ROBO1: variants seen among roughly 807,000 people sequenced by gnomAD.
ROBO1 encodes the protein roundabout homolog 1.
A neutral mutation model predicts 195.9 loss-of-function variants in ROBO1; 149 were observed. The ratio of observed to expected loss-of-function variants is 0.76; its 90% CI spans 0.67 to 0.87. The LOEUF is 0.87. Among genes scored for constraint, ROBO1 ranks in the 40% least tolerant of loss-of-function variants. The pLI is 0.00. For synonymous variants in ROBO1, 816 were observed against 733.2 expected, an observed-to-expected ratio of 1.11 and a Z score of -1.82; for missense variants, 1,933 against 2,068.3, an observed-to-expected ratio of 0.93 and a Z score of 1.27.
At chr3:78,620,187 A>G (rs528266786) in intron 26 of ROBO1, among the ~76,000 whole-genome samples, 2 of 152,226 alleles carry the variant, frequency 1.3e-5, no homozygotes, top group East Asian at 3.9e-4. Context: ...TAACTTTGAT[A>G]TGGCACAGTT....
At chr3:78,878,428 T>C (rs1402205218) in intron 4 of ROBO1, among the ~76,000 whole-genome samples, 1 of 151,552 alleles carries the variant, frequency 6.6e-6, no homozygotes, top group Non-Finnish European at 1.5e-5. Flanking sequence ...CTACTAGAAA[T>C]ACAAAAATTA....
At chr3:78,651,708 T>C (rs945642154) in intron 19 of ROBO1, 24 bp downstream of exon 19, 2 of 1,517,538 alleles carry the variant, frequency 1.3e-6, no homozygotes, top group Non-Finnish European at 1.8e-6. Flanking sequence ...CATTAAAATA[T>C]GAAAACCTTG....
In ROBO1 at chr3:79,556,877, A is replaced by G. The variant is rs1223326620; in HGVS notation, c.88+32947T>C. ...AACATTCAGCAACATTCTCTTCTACACTTACTCTCACATGCAATTTTTATT... is the reference window on the plus strand; with the variant it reads ...AACATTCAGCAACATTCTCTTCTACGCTTACTCTCACATGCAATTTTTATT... On this transcript the variant is annotated intron_variant, in intron 2 of 30. Transcript: ENST00000464233. Among the ~76,000 whole-genome samples the G allele has an allele frequency of 2.0e-5, 3 of 151,336 alleles. 1 individual carries two copies. The highest frequency in any genetic ancestry group is 7.3e-5 in the African/African-American group (3 of 41,308).
intron 2 of ROBO1, among the ~76,000 whole-genome samples, chr3:79,579,657 G>A (rs1442630427): frequency 6.6e-6 from 1 of 151,990 alleles, no homozygotes; most frequent in Non-Finnish European, 1.5e-5. Context: ...TCATTGTCTT[G>A]TATTCAGTTT....
intron 14 of ROBO1, among the ~76,000 whole-genome samples, chr3:78,663,466 C>T (rs909556143): frequency 6.6e-6 from 1 of 152,128 alleles, no homozygotes; most frequent in African/African-American, 2.4e-5. Flanking sequence ...ACCTTTCCAT[C>T]TCTTCCTTAC....
chr3:79,175,790 T>G (rs1423148290), intron 2 of ROBO1, among the ~76,000 whole-genome samples: 1 of 152,242 alleles, frequency 6.6e-6, no homozygotes, highest in Non-Finnish European at 1.5e-5. Context: ...ACTAACTTTA[T>G]AAACATTATT....
chr3:79,359,288 A>G (rs1271753071), intron 2 of ROBO1, among the ~76,000 whole-genome samples: 4 of 151,934 alleles, frequency 2.6e-5, no homozygotes, highest in African/African-American at 4.8e-5. Context: ...CCTCACTCTT[A>G]TAATTTATAA....
intron 4 of ROBO1, among the ~76,000 whole-genome samples, chr3:78,864,970 A>G (rs1158242317): frequency 6.6e-6 from 1 of 152,130 alleles, no homozygotes; most frequent in Non-Finnish European, 1.5e-5. Context: ...TTTGATCGCT[A>G]CTTTTTTGTA....
At chr3:79,705,514 C>G (rs1013065057) in intron 1 of ROBO1, among the ~76,000 whole-genome samples, 3 of 151,994 alleles carry the variant, frequency 2.0e-5, no homozygotes, top group Non-Finnish European at 2.9e-5. Flanking sequence ...TATTTCTGGG[C>G]TCTCTCTTCT....
At chr3:79,418,659 A>C (rs956717582) in intron 2 of ROBO1, among the ~76,000 whole-genome samples, 3 of 152,150 alleles carry the variant, frequency 2.0e-5, no homozygotes, top group Non-Finnish European at 4.4e-5. Context: ...GCAGGCACAA[A>C]ATCCTTTTAG....
intron 2 of ROBO1, among the ~76,000 whole-genome samples, chr3:79,281,558 G>C (rs559577539): frequency 1.3e-5 from 2 of 152,200 alleles, no homozygotes; most frequent in East Asian, 3.9e-4. Flanking sequence ...GTAATATTCT[G>C]TGCTCAATAC....
chr3:78,675,882 C>G lies in ROBO1; in HGVS notation c.1343-5581G>C, dbSNP rs1428458442. On this transcript the variant is annotated intron_variant, in intron 10 of 30. Coordinates refer to ENST00000464233, the MANE Select transcript of ROBO1 (RefSeq NM_002941.4). ...GGGCAGACTGCCTCCTCAAGTGGGT[C>G]CCTGACCCCTGACCCCCGAGCAGCC... 5.9e-5 allele frequency among the ~76,000 whole-genome samples: 9 copies of G among 152,078 alleles called. No individual in the cohort carries two copies. The East Asian group carries it at 1.7e-3, about 30-fold the overall frequency.
At chr3:78,889,855 A>G (rs2036787245) in intron 4 of ROBO1, among the ~76,000 whole-genome samples, 1 of 152,120 alleles carries the variant, frequency 6.6e-6, no homozygotes, top group African/African-American at 2.4e-5. Flanking sequence ...ATAAAAATAC[A>G]ACTTTCCAAA....
intron 2 of ROBO1, among the ~76,000 whole-genome samples, chr3:79,270,180 T>C (rs1036012787): frequency 9.3e-5 from 1 of 10,788 alleles, no homozygotes; most frequent in African/African-American, 2.8e-4. Flanking sequence ...TACATAATGT[T>C]CTCTCTCTCT....
At chr3:79,347,692 C>G (rs1369562207) in intron 2 of ROBO1, among the ~76,000 whole-genome samples, 1 of 152,128 alleles carries the variant, frequency 6.6e-6, no homozygotes, top group Non-Finnish European at 1.5e-5. Context: ...TCAAAGAATA[C>G]TTGGCAAGTA....
At chr3:78,893,393 G>C (rs1006286158) in intron 4 of ROBO1, among the ~76,000 whole-genome samples, 1 of 152,084 alleles carries the variant, frequency 6.6e-6, no homozygotes, top group Non-Finnish European at 1.5e-5. Context: ...ATAAGGTGCC[G>C]TCTTGGAAAC....
chr3:78,774,552 C>T (rs774943097), intron 4 of ROBO1, among the ~76,000 whole-genome samples: 2 of 151,782 alleles, frequency 1.3e-5, no homozygotes, highest in Non-Finnish European at 2.9e-5. Context: ...CCTTGTGATC[C>T]GACAGCCTTG....
chr3:79,502,176 C>T (rs1940110396), intron 2 of ROBO1, among the ~76,000 whole-genome samples: 1 of 152,224 alleles, frequency 6.6e-6, no homozygotes. Context: ...AACCCTTCAG[C>T]CCGCCGCTGC....
At chr3:79,521,931 A>C (rs1434892649) in intron 2 of ROBO1, among the ~76,000 whole-genome samples, 1 of 152,168 alleles carries the variant, frequency 6.6e-6, no homozygotes, top group Non-Finnish European at 1.5e-5. Flanking sequence ...CCAACATTAC[A>C]TGGTTGGTTT....
Sources: allele counts gnomAD v4.1 joint callset (sites outside exome capture counted in the v4.1 genomes callset), GRCh38; gene constraint gnomAD v4.1.1; transcripts MANE v1.5; gene names NCBI Gene and HGNC (gene_info 2026-07-23, HGNC 2026-07-21).